RSRC1: variants seen among roughly 807,000 people sequenced by gnomAD.
RSRC1 encodes arginine and serine rich coiled-coil 1.
A neutral mutation model predicts 49.1 loss-of-function variants in RSRC1; 39 were observed. That is an observed-to-expected ratio of 0.79 (90% CI 0.61 to 1.04). The LOEUF is 1.04. Ranked by LOEUF, RSRC1 falls within the 50% of genes least tolerant of loss-of-function variation. The probability of loss-of-function intolerance (pLI) is 0.00; values close to 1 mark genes in which losing one functional copy is unlikely to be tolerated. For missense variants in RSRC1, 388 were observed against 402.4 expected, an observed-to-expected ratio of 0.96 and a Z score of 0.31; for synonymous variants, 143 against 130.8, an observed-to-expected ratio of 1.09 and a Z score of -0.63.
At chr3:158,163,238 A>G (rs936716608) in intron 3 of RSRC1, among the ~76,000 whole-genome samples, 2 of 152,048 alleles carry the variant, frequency 1.3e-5, no homozygotes, top group African/African-American at 4.8e-5. Context: ...CCTGGCTTCA[A>G]GTGATCCTCC....
intron 4 of RSRC1, among the ~76,000 whole-genome samples, chr3:158,295,641 A>G (rs1256754379): frequency 1.3e-5 from 2 of 152,096 alleles, no homozygotes; most frequent in Admixed American, 6.6e-5. Context: ...ATGGTTGATT[A>G]CATTTGGTTA....
intron 6 of RSRC1, among the ~76,000 whole-genome samples, chr3:158,443,288 A>T (rs1399611509): frequency 4.6e-5 from 7 of 152,156 alleles, no homozygotes; most frequent in African/African-American, 1.7e-4. Context: ...TTTCCTAGAA[A>T]GCGGTTTTGT....
chr3:158,239,326 G>A (rs1278384906), intron 4 of RSRC1, among the ~76,000 whole-genome samples: 1 of 152,174 alleles, frequency 6.6e-6, no homozygotes, highest in East Asian at 1.9e-4. Context: ...TCTAGAACTA[G>A]AAATGCCATT....
At chr3:158,292,802 A>G (rs1727014936) in intron 4 of RSRC1, among the ~76,000 whole-genome samples, 1 of 152,122 alleles carries the variant, frequency 6.6e-6, no homozygotes, top group Non-Finnish European at 1.5e-5. Flanking sequence ...CTTCATGTAC[A>G]TTATCCTTCT....
At chr3:158,375,366 CTT>C (rs77460180) in intron 6 of RSRC1, among the ~76,000 whole-genome samples, 1 of 143,634 alleles carries the variant, frequency 7.0e-6, no homozygotes. Flanking sequence ...ATTTCATATC[CTT>C]TTTTTTTTTT....
intron 6 of RSRC1, among the ~76,000 whole-genome samples, chr3:158,438,597 G>T (rs1174993206): frequency 5.3e-5 from 8 of 152,154 alleles, no homozygotes; most frequent in Non-Finnish European, 1.2e-4. Context: ...AAATGGTGCT[G>T]GGAAAACTGG....
chr3:158,435,540 A>C (rs960212705), intron 6 of RSRC1, among the ~76,000 whole-genome samples: 1 of 151,706 alleles, frequency 6.6e-6, no homozygotes, highest in South Asian at 2.1e-4. Context: ...CTGAAAATTC[A>C]TAAGATTTAC....
At chr3:158,421,053 C>T (rs62289509) in intron 6 of RSRC1, among the ~76,000 whole-genome samples, 1,898 of 151,906 alleles carry the variant, frequency 0.012, 24 homozygotes, top group Non-Finnish European at 0.017. Flanking sequence ...AATTTAAGTC[C>T]ATTTTGCCTG....
chr3:158,131,326 G>A (rs976482970), intron 3 of RSRC1, among the ~76,000 whole-genome samples: 11 of 151,902 alleles, frequency 7.2e-5, no homozygotes, highest in Admixed American at 1.3e-4. Context: ...TCTTTATCTA[G>A]TGGGATGATT....
intron 4 of RSRC1, among the ~76,000 whole-genome samples, chr3:158,213,717 G>A (rs1183985716): frequency 6.6e-6 from 1 of 151,892 alleles, no homozygotes; most frequent in African/African-American, 2.4e-5. Flanking sequence ...TTGTCATGTT[G>A]CAGCCTTAGC....
chr3:158,204,403 C>T (rs1721238788), intron 4 of RSRC1, among the ~76,000 whole-genome samples: 1 of 152,074 alleles, frequency 6.6e-6, no homozygotes, highest in South Asian at 2.1e-4. Flanking sequence ...CATTAATGTA[C>T]AGTAATCAGT....
At chr3:158,408,259 A>C (rs1366151546) in intron 6 of RSRC1, among the ~76,000 whole-genome samples, 7 of 152,174 alleles carry the variant, frequency 4.6e-5, no homozygotes, top group African/African-American at 1.4e-4. Context: ...GTTTTTAGAG[A>C]GTTTTAGTCA....
chr3:158,375,051 T>G (rs6787259), intron 6 of RSRC1, among the ~76,000 whole-genome samples: 2 of 152,014 alleles, frequency 1.3e-5, no homozygotes, highest in African/African-American at 4.8e-5. Context: ...ACTAAGGCCT[T>G]GGAATTTTAA....
chr3:158,347,120 T>C (rs827135), intron 5 of RSRC1, among the ~76,000 whole-genome samples: 62,830 of 152,070 alleles, frequency 0.41, 13,440 homozygotes, highest in East Asian at 0.63. Flanking sequence ...ATGTAGACAT[T>C]TTAGTAAATA....
At chr3:158,321,616 G>A (rs1419977013) in intron 5 of RSRC1, among the ~76,000 whole-genome samples, 1 of 149,922 alleles carries the variant, frequency 6.7e-6, no homozygotes, top group Non-Finnish European at 1.5e-5. Flanking sequence ...ATGAGTGATA[G>A]TCTGACTGTA....
intron 6 of RSRC1, among the ~76,000 whole-genome samples, chr3:158,427,295 G>A (rs1456610024): frequency 2.6e-5 from 4 of 151,758 alleles, no homozygotes; most frequent in Admixed American, 2.0e-4. Context: ...ATGAAAACAT[G>A]TAGTGTGTTT....
intron 5 of RSRC1, among the ~76,000 whole-genome samples, chr3:158,342,364 T>G (rs907888434): frequency 1.3e-5 from 2 of 152,178 alleles, no homozygotes; most frequent in Non-Finnish European, 2.9e-5. Context: ...GGGCCAGTCT[T>G]TCCCGTGCTA....
At chr3:158,261,949 C>T (rs920888992) in intron 4 of RSRC1, among the ~76,000 whole-genome samples, 3 of 152,082 alleles carry the variant, frequency 2.0e-5, no homozygotes, top group Non-Finnish European at 2.9e-5. Context: ...ATCTTGAAAC[C>T]GTATCTTCTG....
chr3:158,511,989 GTTGGAGTTCA>G (rs1333351017), intron 7 of RSRC1, among the ~76,000 whole-genome samples: 1 of 149,552 alleles, frequency 6.7e-6, no homozygotes, highest in East Asian at 2.0e-4. Flanking sequence ...TTGTAAATTT[GTTGGAGTTCA>G]TTGTAGATTC....
Sources: allele counts gnomAD v4.1 joint callset (sites outside exome capture counted in the v4.1 genomes callset), GRCh38; gene constraint gnomAD v4.1.1; transcripts MANE v1.5; gene names NCBI Gene and HGNC (gene_info 2026-07-23, HGNC 2026-07-21).